JAKMIP1: variants seen among roughly 807,000 people sequenced by gnomAD.
JAKMIP1 encodes janus kinase and microtubule interacting protein 1.
A neutral mutation model predicts 113.0 loss-of-function variants in JAKMIP1; 33 were observed. The observed-to-expected ratio is 0.29, with a 90% CI of 0.22 to 0.39. The LOEUF (loss-of-function observed/expected upper bound fraction) is 0.39. JAKMIP1 is among the 10% of genes least tolerant of loss of function. JAKMIP1 has a pLI of 1.00. For synonymous variants in JAKMIP1, 480 were observed against 459.9 expected (o/e 1.04, Z -0.56); for missense variants, 813 against 1,080.5 (o/e 0.75, Z 3.47).
chr4:6,133,283 G>A (rs1465890046), intron 1 of JAKMIP1, among the ~76,000 whole-genome samples: 1 of 152,166 alleles, frequency 6.6e-6, no homozygotes, highest in Middle Eastern at 3.2e-3. Flanking sequence ...ATTGATAATG[G>A]GGATGGTGAC....
In JAKMIP1 at chr4:6,084,936, C is replaced by T; in HGVS notation, c.864G>A (p.Arg288=). ...QDQHMDERDV[R]RFQLKIAELN... ...GTTCAGCAATTTTTAGTTGAAATCGCCTCACATCTCGCTCGTCCATATGTT... is the reference window on the plus strand; with the variant it reads ...GTTCAGCAATTTTTAGTTGAAATCGTCTCACATCTCGCTCGTCCATATGTT... Residue 288 remains arginine (R), a synonymous_variant, in exon 5 of 21, where the codon AGG becomes AGA. Transcript: ENST00000409021. The T allele has an allele frequency of 8.2e-6, 13 of 1,582,936 alleles. No homozygotes were observed. The highest frequency in any genetic ancestry group is 1.1e-5 in the Non-Finnish European group (13 of 1,162,086).
intron 2 of JAKMIP1, among the ~76,000 whole-genome samples, chr4:6,109,172 C>T (rs548775517): frequency 6.9e-6 from 1 of 145,870 alleles, no homozygotes; most frequent in East Asian, 2.0e-4. Context: ...TCGCTCTGTC[C>T]CCCAGGCTGG....
At chr4:6,152,789 AATATATATATATATATATATACAT>A (rs755506728) in intron 1 of JAKMIP1, among the ~76,000 whole-genome samples, 2 of 135,294 alleles carry the variant, frequency 1.5e-5, no homozygotes, top group African/African-American at 5.7e-5. Flanking sequence ...TAAAAATACA[AATATATATATATATATATATACAT>A]ATATATATAT....
At chr4:6,110,268 A>G (rs921009837) in intron 2 of JAKMIP1, among the ~76,000 whole-genome samples, 11 of 152,126 alleles carry the variant, frequency 7.2e-5, no homozygotes, top group African/African-American at 2.4e-4. Flanking sequence ...GACATGGACA[A>G]ACACAGAGGA....
rs1180818649 is a variant in JAKMIP1, at chr4:6,151,038, C to T, written c.-147-38041G>A. 5.3e-5 allele frequency among the ~76,000 whole-genome samples: 8 copies of T among 152,086 alleles called. No individual in the cohort carries two copies. In the South Asian group the frequency reaches 6.2e-4, roughly 12 times the overall value. On this transcript the variant is annotated intron_variant, in intron 1 of 20. Coordinates refer to ENST00000409021, the MANE Select transcript of JAKMIP1 (RefSeq NM_001099433.2). ...TTGGCTTCTATGTGACCTTGTGCAG[C>T]GCCCCCGCCATACCTTCCCCAGTCT... is the stretch of plus-strand genomic sequence containing the variant.
intron 16 of JAKMIP1, among the ~76,000 whole-genome samples, chr4:6,043,942 C>T (rs538432686): frequency 1.3e-5 from 2 of 152,160 alleles, no homozygotes; most frequent in East Asian, 3.9e-4. Flanking sequence ...AATCCCAGGC[C>T]CTGGTCATCC....
chr4:6,110,992 CT>C (rs1714843136), intron 2 of JAKMIP1, among the ~76,000 whole-genome samples: 1 of 152,050 alleles, frequency 6.6e-6, no homozygotes, highest in African/African-American at 2.4e-5. Flanking sequence ...CTAAAAGAGG[CT>C]GGATGCACTC....
Position 6,081,857 on chromosome 4 carries a change from CT to C in JAKMIP1, c.955-103del. On this transcript the variant is annotated intron_variant, in intron 5 of 20. Transcript: ENST00000409021. This position sits in a 1 kb window ranked among gnomAD's most constrained non-coding sequence, Gnocchi z 4.6. ...AGACTCAACCCAGTTAGGACCCCTT[CT>C]GAGGCCAGTGTCCTGGATGACACAT... 2 of 1,341,474 alleles carry C rather than the reference CT, an allele frequency of 1.5e-6. No individual in the cohort carries two copies. Among genetic ancestry groups the C allele is most frequent in the South Asian group, 2.6e-5 (2 of 75,958 alleles). The allele number at this position is 1,341,474 out of a possible 1,614,324, so 83.1% of individuals were successfully genotyped here. A position where few individuals can be genotyped will look rare whatever the true frequency, so the allele number is the denominator to read the frequency against.
At position 6,187,654 on chromosome 4, in the gene JAKMIP1, A is replaced by G. The variant is rs1726794359; in HGVS notation, c.-148+12599T>C. 6.6e-6 allele frequency among the ~76,000 whole-genome samples: 1 copy of G among 152,250 alleles called. No individual in the cohort carries two copies. Among genetic ancestry groups the G allele is most frequent in the Non-Finnish European group, 1.5e-5 (1 of 68,044 alleles). Reference sequence around the variant, plus strand: ...CTCACCAGACACTGAATCTGCCGGTACCTTGATCTTGGACTTCCCAGCCTC... The same window carrying G: ...CTCACCAGACACTGAATCTGCCGGTGCCTTGATCTTGGACTTCCCAGCCTC... On this transcript the variant is annotated intron_variant, in intron 1 of 20. Coordinates refer to ENST00000409021, the MANE Select transcript of JAKMIP1 (RefSeq NM_001099433.2). This position sits in a 1 kb window ranked among gnomAD's most constrained non-coding sequence, Gnocchi z 4.2.
rs1391702074 is a variant in JAKMIP1 at position 6,178,396 on chromosome 4, C to T, written c.-148+21857G>A. Among the ~76,000 whole-genome samples the T allele has an allele frequency of 6.6e-6, 1 of 152,164 alleles. No homozygotes were observed. Among genetic ancestry groups the T allele is most frequent in the East Asian group, 1.9e-4 (1 of 5,188 alleles). On this transcript the variant is annotated intron_variant, in intron 1 of 20. Transcript: ENST00000409021. This position sits in a 1 kb window ranked among gnomAD's most constrained non-coding sequence, Gnocchi z 5.5. The stretch of plus-strand genomic sequence containing the variant: ...ATTGAATCATGGGGGCAGTTTACCC[C>T]ATACTATTCTCATGATAGTGAGTAA...
rs370456846 is a variant in JAKMIP1 at position 6,051,203 on chromosome 4, ACTTT to A, written c.1807-528_1807-525del. Among the ~76,000 whole-genome samples, 1,058 of 148,636 alleles carry A rather than the reference ACTTT, an allele frequency of 7.1e-3. 12 individuals are homozygous for A. Among genetic ancestry groups the A allele is most frequent in the African/African-American group, 0.025 (996 of 40,204 alleles). On this transcript the variant is annotated intron_variant, in intron 13 of 20. Transcript: ENST00000409021. The surrounding 1 kb of genome is among the most constrained non-coding windows in gnomAD (Gnocchi z 5.0). ...GGCAGGGCCAGGACCCCAAAGGCTGACTTTCTTTCTTTTTCTTTCCTTTTTTTTT... is the reference window on the plus strand; with the variant it reads ...GGCAGGGCCAGGACCCCAAAGGCTGACTTTCTTTTTCTTTCCTTTTTTTTT...
rs542108222 is a variant in JAKMIP1 at position 6,129,599 on chromosome 4, T to C, written c.-147-16602A>G. Among the ~76,000 whole-genome samples, 28 of 152,254 alleles carry C rather than the reference T, an allele frequency of 1.8e-4. No homozygotes were observed. The highest frequency in any genetic ancestry group is 6.0e-4 in the African/African-American group (25 of 41,550). On this transcript the variant is annotated intron_variant, in intron 1 of 20. Coordinates refer to ENST00000409021, the MANE Select transcript of JAKMIP1 (RefSeq NM_001099433.2). The surrounding 1 kb of genome is among the most constrained non-coding windows in gnomAD (Gnocchi z 5.4). ...CCACCGTGCCCTGCCCTCATGATGC[T>C]GATGGCCATTCCTGCTGAAAGTTCC...
At position 6,154,613 on chromosome 4, in the gene JAKMIP1, C is replaced by A. The variant is rs1209311582; in HGVS notation, c.-147-41616G>T. On this transcript the variant is annotated intron_variant, in intron 1 of 20. Coordinates refer to ENST00000409021, the MANE Select transcript of JAKMIP1 (RefSeq NM_001099433.2). The surrounding 1 kb of genome is among the most constrained non-coding windows in gnomAD (Gnocchi z 4.2). The stretch of plus-strand genomic sequence containing the variant: ...AAACTTAGCAAGGCTTCCAAGAGCC[C>A]AACACGCACAGCCCACTGCACGCAG... 6.6e-6 allele frequency among the ~76,000 whole-genome samples: 1 copy of A among 152,002 alleles called. No individual in the cohort carries two copies. The highest frequency in any genetic ancestry group is 1.5e-5 in the Non-Finnish European group (1 of 68,006).
chr4:6,158,881 G>A lies in JAKMIP1; in HGVS notation c.-148+41372C>T, dbSNP rs971085144. Among the ~76,000 whole-genome samples, 5 of 152,048 alleles carry A rather than the reference G, an allele frequency of 3.3e-5. No homozygotes were observed. In the East Asian group the frequency reaches 9.6e-4, roughly 29 times the overall value. ...AAGCAGGAGGATCGCTTGACCTCAG[G>A]AGTTCGAGACCAGCCTGACCAACAT... On this transcript the variant is annotated intron_variant, in intron 1 of 20. Coordinates refer to ENST00000409021, the MANE Select transcript of JAKMIP1 (RefSeq NM_001099433.2). The surrounding 1 kb of genome is among the most constrained non-coding windows in gnomAD (Gnocchi z 5.3).
Position 6,105,603 on chromosome 4 carries a change from G to A in JAKMIP1, c.494C>T (p.Ala165Val). 6.3e-7 allele frequency: 1 copy of A among 1,595,604 alleles called. No individual in the cohort carries two copies. Among genetic ancestry groups the A allele is most frequent in the Non-Finnish European group, 8.5e-7 (1 of 1,171,334 alleles). ...ILELKAARKQ[A>V]EEALSNCMQA... Reference sequence around the variant, plus strand: ...CATGCAGTTACTGAGCGCCTCCTCTGCCTGCTTGCGCGCTGCCTTGAGCTC... The same window carrying A: ...CATGCAGTTACTGAGCGCCTCCTCTACCTGCTTGCGCGCTGCCTTGAGCTC... The change falls in exon 3 of 21, where the codon GCA becomes GTA. Residue 165 changes from alanine to valine, a missense_variant. This residue lies in a region of JAKMIP1 where 540 missense variants were observed against 653.9 expected (regional missense o/e 0.83). Coordinates refer to ENST00000409021, the MANE Select transcript of JAKMIP1 (RefSeq NM_001099433.2).
At chr4:6,062,260 C>T (rs910860287) in intron 10 of JAKMIP1, 52 bp downstream of exon 10, 1 of 1,603,736 alleles carries the variant, frequency 6.2e-7, no homozygotes. Flanking sequence ...AAAGGACCTA[C>T]ATGACCTGGC....
chr4:6,076,635 C>T lies in JAKMIP1; in HGVS notation c.1302+2304G>A, dbSNP rs1719734528. ...GCACCCATAGATATATTTTATGTGG[C>T]CCACAGGTATATATTTTACAGGCTG... On this transcript the variant is annotated intron_variant, in intron 8 of 20. Transcript: ENST00000409021. This position sits in a 1 kb window ranked among gnomAD's most constrained non-coding sequence, Gnocchi z 4.8. Among the ~76,000 whole-genome samples, 2 of 152,168 alleles carry T rather than the reference C, an allele frequency of 1.3e-5. No homozygotes were observed. The highest frequency in any genetic ancestry group is 6.5e-5 in the Admixed American group (1 of 15,278).
intron 1 of JAKMIP1, among the ~76,000 whole-genome samples, chr4:6,189,602 CA>C (rs1311123355): frequency 6.6e-6 from 1 of 152,200 alleles, no homozygotes; most frequent in Non-Finnish European, 1.5e-5. Flanking sequence ...GTGGGAGTCC[CA>C]GTGTGAATCA....
chr4:6,142,146 C>G lies in JAKMIP1; in HGVS notation c.-147-29149G>C, dbSNP rs148850812. On this transcript the variant is annotated intron_variant, in intron 1 of 20. Transcript: ENST00000409021. This position sits in a 1 kb window ranked among gnomAD's most constrained non-coding sequence, Gnocchi z 5.5. Reference sequence around the variant, plus strand: ...CATGAAATAAGAATTTTCCAAGACGCTCTGAAGAGTGGTGGAGGCCTTCCT... The same window carrying G: ...CATGAAATAAGAATTTTCCAAGACGGTCTGAAGAGTGGTGGAGGCCTTCCT... 6.6e-6 allele frequency among the ~76,000 whole-genome samples: 1 copy of G among 152,150 alleles called. No individual in the cohort carries two copies. Among genetic ancestry groups the G allele is most frequent in the Non-Finnish European group, 1.5e-5 (1 of 68,038 alleles).
Sources: allele counts gnomAD v4.1 joint callset (sites outside exome capture counted in the v4.1 genomes callset), GRCh38; gene constraint gnomAD v4.1.1; regional missense constraint gnomAD v4.1.1; non-coding constraint Gnocchi (gnomAD v3.1); transcripts MANE v1.5; gene names NCBI Gene and HGNC (gene_info 2026-07-23, HGNC 2026-07-21).